The following USH2A variants were observed in gnomAD, a reference collection of about 807,000 sequenced individuals.
USH2A encodes the protein usherin, also known as Usher syndrome 2A (autosomal recessive, mild).
A neutral mutation model predicts 538.9 loss-of-function variants in USH2A; 443 were observed. That is an observed-to-expected ratio of 0.82 (90% CI 0.76 to 0.89). USH2A has a LOEUF of 0.89. Ranked by LOEUF, USH2A falls within the 40% of genes least tolerant of loss-of-function variation. The pLI is 0.00. For synonymous variants in USH2A, 2,413 were observed against 2,273.5 expected (o/e 1.06, Z -1.75); for missense variants, 6,633 against 6,324.8 (o/e 1.05, Z -1.65).
At position 215,798,472 on chromosome 1, in the gene USH2A, A is replaced by G. The variant is rs996845108; in HGVS notation, c.9958+435T>C. Among the ~76,000 whole-genome samples the G allele has an allele frequency of 2.0e-4, 31 of 152,338 alleles. 1 individual carries two copies. The highest frequency in any genetic ancestry group is 4.4e-5 in the Non-Finnish European group (3 of 68,038). ...TGAAGATTATTTGAGGTAATAATAT[A>G]TAAAATATTGGCACAGTGTCTGTTA... On this transcript the variant is annotated intron_variant, in intron 50 of 71. Transcript: ENST00000307340.
chr1:216,185,247 T>C (rs1032812751), intron 20 of USH2A, among the ~76,000 whole-genome samples: 2 of 151,874 alleles, frequency 1.3e-5, no homozygotes, highest in African/African-American at 4.8e-5. Context: ...TTCTCAGACT[T>C]TGTCACAGGC....
intron 35 of USH2A, among the ~76,000 whole-genome samples, chr1:215,990,673 A>C (rs1467938343): frequency 1.3e-5 from 2 of 152,142 alleles, no homozygotes; most frequent in African/African-American, 4.8e-5. Flanking sequence ...TTCATGGAAT[A>C]AGAGGCCTAC....
In USH2A at chr1:215,674,195, T is replaced by C. The variant is rs1571947893; in HGVS notation, c.13716A>G (p.Leu4572=). 1.9e-6 allele frequency: 3 copies of C among 1,614,154 alleles called. No individual in the cohort carries two copies. Among genetic ancestry groups the C allele is most frequent in the Non-Finnish European group, 2.5e-6 (3 of 1,180,016 alleles). Residue 4572 remains leucine (L), a synonymous_variant, in exon 63 of 72, where the codon CTA becomes CTG. Transcript: ENST00000307340. ...IINYTLFIRE[L]FERETKIIHI... is the part of the protein sequence containing the mutation. ...GTATGATTTTAGTTTCTCTTTCAAA[T>C]AGTTCACGGATGAAGAGGGTATAAT...
intron 11 of USH2A, among the ~76,000 whole-genome samples, chr1:216,258,233 T>C (rs529653516): frequency 1.3e-5 from 2 of 152,202 alleles, no homozygotes; most frequent in Non-Finnish European, 2.9e-5. Flanking sequence ...TTAAGATTTA[T>C]TAGGTGGTAT....
intron 21 of USH2A, among the ~76,000 whole-genome samples, chr1:216,138,920 G>A (rs935750099): frequency 4.0e-4 from 38 of 94,060 alleles, no homozygotes; most frequent in African/African-American, 2.0e-3. Flanking sequence ...ATATATTAAT[G>A]TGTGTGTGTG....
rs78040672 is a variant in USH2A at position 215,920,930 on chromosome 1, T to C, written c.7300+13686A>G. 8.2e-3 allele frequency among the ~76,000 whole-genome samples: 1,243 copies of C among 152,194 alleles called. 22 individuals are homozygous for C. The highest frequency in any genetic ancestry group is 0.028 in the African/African-American group (1,161 of 41,556). On this transcript the variant is annotated intron_variant, in intron 38 of 71. Transcript: ENST00000307340. ...GAACAATTTTCCCACATACTCATACTGTTCACATGGCTTATTTCTAGAATA... is the reference window on the plus strand; with the variant it reads ...GAACAATTTTCCCACATACTCATACCGTTCACATGGCTTATTTCTAGAATA...
chr1:216,029,916 C>T (rs1669054023), intron 32 of USH2A, among the ~76,000 whole-genome samples: 1 of 150,170 alleles, frequency 6.7e-6, no homozygotes, highest in South Asian at 2.1e-4. Context: ...GACATGGAAT[C>T]AACCTAAATG....
rs1214148688 is a variant in USH2A, at chr1:215,970,787, A to C, written c.6806-11T>G. On this transcript the variant is annotated splice_polypyrimidine_tract_variant and intron_variant, in intron 35 of 71. Coordinates refer to ENST00000307340, the MANE Select transcript of USH2A (RefSeq NM_206933.4). The stretch of plus-strand genomic sequence containing the variant: ...AACTCGTGATAACACCTGGGAAGAT[A>C]ATAATTGCCTTTCAGTATGACTACT... The C allele has an allele frequency of 6.2e-7, 1 of 1,612,922 alleles. No individual in the cohort carries two copies. The highest frequency in any genetic ancestry group is 1.3e-5 in the African/African-American group (1 of 74,872).
chr1:215,928,969 A>G (rs1056818036), intron 38 of USH2A, among the ~76,000 whole-genome samples: 15 of 152,132 alleles, frequency 9.9e-5, no homozygotes, highest in African/African-American at 3.6e-4. Flanking sequence ...CAAACATTTT[A>G]TTTAGTTATT....
intron 21 of USH2A, among the ~76,000 whole-genome samples, chr1:216,138,929 TG>T (rs2033542527): frequency 1.3e-5 from 2 of 151,336 alleles, no homozygotes; most frequent in African/African-American, 2.4e-5. Context: ...TGTGTGTGTG[TG>T]TGTGTGTGTG....
chr1:216,398,462 C>T (rs2039253230), intron 3 of USH2A, among the ~76,000 whole-genome samples: 1 of 151,982 alleles, frequency 6.6e-6, no homozygotes, highest in Non-Finnish European at 1.5e-5. Context: ...AAAATGTTGG[C>T]CTACAAGAGA....
At chr1:216,183,426 T>G (rs1055571237) in intron 20 of USH2A, among the ~76,000 whole-genome samples, 2 of 152,096 alleles carry the variant, frequency 1.3e-5, no homozygotes, top group African/African-American at 4.8e-5. Flanking sequence ...AATAACATGC[T>G]TTGCAATCAT....
intron 21 of USH2A, among the ~76,000 whole-genome samples, chr1:216,144,774 A>G (rs543782272): frequency 4.6e-5 from 7 of 152,094 alleles, no homozygotes; most frequent in Admixed American, 2.0e-4. Context: ...CTTTTTCTTG[A>G]TTGTTTTTTA....
At chr1:215,732,646 A>G (rs542386309) in intron 60 of USH2A, among the ~76,000 whole-genome samples, 1 of 131,694 alleles carries the variant, frequency 7.6e-6, no homozygotes, top group Non-Finnish European at 1.5e-5. Flanking sequence ...GGTTCACGCC[A>G]TTCTCCTGCC....
chr1:216,345,777 G>C (rs1200053267), intron 4 of USH2A, among the ~76,000 whole-genome samples: 1 of 152,124 alleles, frequency 6.6e-6, no homozygotes, highest in African/African-American at 2.4e-5. Context: ...GGCTAGTTAT[G>C]TCCTTGGGAG....
intron 35 of USH2A, among the ~76,000 whole-genome samples, chr1:215,984,997 A>C (rs960819704): frequency 1.3e-5 from 2 of 152,196 alleles, no homozygotes; most frequent in African/African-American, 4.8e-5. Flanking sequence ...GGAATCTAAA[A>C]AAGACTGTGC....
At chr1:215,631,570 G>T (rs1449880215) in intron 70 of USH2A, among the ~76,000 whole-genome samples, 1 of 152,206 alleles carries the variant, frequency 6.6e-6, no homozygotes, top group East Asian at 1.9e-4. Context: ...AACTGGATAG[G>T]ATTAAATTAT....
At chr1:216,160,501 G>A (rs182380847) in intron 21 of USH2A, among the ~76,000 whole-genome samples, 1 of 152,080 alleles carries the variant, frequency 6.6e-6, no homozygotes, top group Admixed American at 6.6e-5. Context: ...GAATGCAGTG[G>A]CTCATCACAT....
intron 32 of USH2A, among the ~76,000 whole-genome samples, chr1:216,039,909 A>C (rs2030190337): frequency 6.6e-6 from 1 of 152,014 alleles, no homozygotes; most frequent in African/African-American, 2.4e-5. Flanking sequence ...ACCAAAAAAA[A>C]AGTTTTAGCA....
Sources: gnomAD v4.1 joint callset for allele counts (sites outside exome capture counted in the v4.1 genomes callset) on GRCh38, gnomAD v4.1.1 for gene constraint, MANE v1.5 for transcripts, NCBI Gene and HGNC (gene_info 2026-07-23, HGNC 2026-07-21) for gene names.